The following CDK6 variants were observed in gnomAD, a reference collection of about 807,000 sequenced individuals.
The protein encoded by CDK6 is cyclin-dependent kinase 6.
Under a neutral mutation model 37.1 loss-of-function variants are expected in CDK6, and 6 were observed. That is an observed-to-expected ratio of 0.16 (90% CI 0.09 to 0.32). The LOEUF (loss-of-function observed/expected upper bound fraction) is 0.32. CDK6 is among the 10% of genes least tolerant of loss of function. CDK6 has a pLI of 1.00. For synonymous variants in CDK6, 160 were observed against 161.3 expected, an observed-to-expected ratio of 0.99 and a Z score of 0.06; for missense variants, 224 against 418.9, an observed-to-expected ratio of 0.53 and a Z score of 4.06.
intron 2 of CDK6, among the ~76,000 whole-genome samples, chr7:92,822,418 A>C (rs888493789): frequency 2.6e-5 from 4 of 152,132 alleles, no homozygotes; most frequent in Non-Finnish European, 5.9e-5. Flanking sequence ...ATACTGAGTG[A>C]ATAGAAAAAT....
chr7:92,653,027 C>T (rs1796611305), intron 5 of CDK6, among the ~76,000 whole-genome samples: 1 of 152,226 alleles, frequency 6.6e-6, no homozygotes, highest in African/African-American at 2.4e-5. Flanking sequence ...CCCTATTCTC[C>T]TCTGGCTTTG....
At chr7:92,672,711 C>T (rs1051593560) in intron 4 of CDK6, among the ~76,000 whole-genome samples, 5 of 152,076 alleles carry the variant, frequency 3.3e-5, no homozygotes, top group East Asian at 1.9e-4. Context: ...AAATCTATTA[C>T]GTCAGAATTT....
At chr7:92,813,640 C>CAA (rs1018471649) in intron 2 of CDK6, among the ~76,000 whole-genome samples, 1 of 152,134 alleles carries the variant, frequency 6.6e-6, no homozygotes, top group Non-Finnish European at 1.5e-5. Context: ...GATGGAGAAA[C>CAA]AAAAGCATTT....
chr7:92,822,954 C>T (rs370843621), intron 2 of CDK6, among the ~76,000 whole-genome samples: 75 of 152,060 alleles, frequency 4.9e-4, no homozygotes, highest in African/African-American at 1.6e-3. Context: ...TCTCTCATTG[C>T]TACCTTAACT....
chr7:92,658,233 C>A (rs1473883394), intron 5 of CDK6, among the ~76,000 whole-genome samples: 1 of 152,060 alleles, frequency 6.6e-6, no homozygotes, highest in Non-Finnish European at 1.5e-5. Flanking sequence ...GTCATTTGAC[C>A]CTGTAATTTC....
chr7:92,725,001 T>C (rs1021357046), intron 4 of CDK6: 5 of 982,546 alleles, frequency 5.1e-6, no homozygotes, highest in Admixed American at 1.2e-4. Context: ...CTATTATGGT[T>C]TTGCAGCTGA....
At chr7:92,640,581 G>A (rs1245322121) in intron 5 of CDK6, among the ~76,000 whole-genome samples, 4 of 152,148 alleles carry the variant, frequency 2.6e-5, no homozygotes, top group Admixed American at 2.6e-4. Flanking sequence ...CTAACCTACA[G>A]ATACAGGGAA....
At chr7:92,737,068 C>G (rs778535365) in intron 3 of CDK6, among the ~76,000 whole-genome samples, 2 of 152,172 alleles carry the variant, frequency 1.3e-5, no homozygotes, top group Non-Finnish European at 2.9e-5. Flanking sequence ...GGGGACAACA[C>G]TTTCTTGTAG....
chr7:92,691,071 T>A (rs1797589574), intron 4 of CDK6, among the ~76,000 whole-genome samples: 3 of 152,242 alleles, frequency 2.0e-5, no homozygotes, highest in Admixed American at 6.5e-5. Context: ...GAACAAATTC[T>A]AATTACTTAT....
chr7:92,667,393 T>C lies in CDK6; in HGVS notation c.647+4033A>G, dbSNP rs957710985. Among the ~76,000 whole-genome samples the C allele has an allele frequency of 9.9e-5, 15 of 152,162 alleles. No individual in the cohort carries two copies. The East Asian group carries it at 2.9e-3, about 29-fold the overall frequency. ...TTTATTTTTTGCAGAGATGGGGGTCTCACTATGTTGCCCTGGTTGGTCTTG... is the reference window on the plus strand; with the variant it reads ...TTTATTTTTTGCAGAGATGGGGGTCCCACTATGTTGCCCTGGTTGGTCTTG... On this transcript the variant is annotated intron_variant, in intron 5 of 7. Transcript: ENST00000424848.
chr7:92,774,785 G>A lies in CDK6; in HGVS notation c.280C>T (p.Leu94=), dbSNP rs2115785564. The change falls in exon 3 of 8, where the codon CTA becomes TTA. Residue 94 remains leucine (L), a synonymous_variant. Coordinates refer to ENST00000424848, the MANE Select transcript of CDK6 (RefSeq NM_001145306.2). ...TCGACATGTTCAAACACTAAAGTTA[G>A]TTTGGTTTCTCTGTCTGTTCGTGAC... ...TVSRTDRETK[L]TLVFEHVDQD... 1.9e-6 allele frequency: 3 copies of A among 1,612,926 alleles called. No individual in the cohort carries two copies. The highest frequency in any genetic ancestry group is 1.3e-5 in the African/African-American group (1 of 74,978).
At chr7:92,752,127 T>C (rs538259702) in intron 3 of CDK6, among the ~76,000 whole-genome samples, 3 of 152,280 alleles carry the variant, frequency 2.0e-5, no homozygotes, top group South Asian at 2.1e-4. Context: ...GCCAGCTGCC[T>C]CCATCTGTAA....
At chr7:92,616,157 T>C (rs951143186) in intron 7 of CDK6, among the ~76,000 whole-genome samples, 2 of 152,114 alleles carry the variant, frequency 1.3e-5, no homozygotes, top group African/African-American at 4.8e-5. Context: ...GTGAACTGGG[T>C]ATATGAAATG....
intron 2 of CDK6, among the ~76,000 whole-genome samples, chr7:92,796,090 GAA>G (rs756349460): frequency 2.9e-5 from 2 of 69,380 alleles, no homozygotes; most frequent in Non-Finnish European, 5.3e-5. Flanking sequence ...TTAACTTGGA[GAA>G]AAAAAAAAAA....
chr7:92,717,792 T>C (rs1332289383), intron 4 of CDK6, among the ~76,000 whole-genome samples: 1 of 152,186 alleles, frequency 6.6e-6, no homozygotes, highest in Non-Finnish European at 1.5e-5. Flanking sequence ...ACTTCGCAAA[T>C]CCACTTGGTG....
chr7:92,630,108 G>A (rs891512643), intron 5 of CDK6, among the ~76,000 whole-genome samples: 3 of 151,894 alleles, frequency 2.0e-5, no homozygotes, highest in Non-Finnish European at 4.4e-5. Flanking sequence ...TCAGTAACAC[G>A]TCCTTCTTCA....
intron 2 of CDK6, among the ~76,000 whole-genome samples, chr7:92,821,312 A>G (rs1038807426): frequency 2.0e-5 from 3 of 152,016 alleles, no homozygotes; most frequent in South Asian, 4.1e-4. Flanking sequence ...TAATCAAACT[A>G]CCAGTTTTTG....
At chr7:92,781,555 C>T (rs1368710573) in intron 2 of CDK6, among the ~76,000 whole-genome samples, 1 of 152,190 alleles carries the variant, frequency 6.6e-6, no homozygotes, top group Non-Finnish European at 1.5e-5. Context: ...TCCCAAACAA[C>T]ATGCTTTGTA....
At chr7:92,809,631 A>G (rs764445952) in intron 2 of CDK6, among the ~76,000 whole-genome samples, 4 of 152,230 alleles carry the variant, frequency 2.6e-5, no homozygotes, top group Admixed American at 6.5e-5. Flanking sequence ...AGGTAAGGGT[A>G]TATTTATTTA....
Sources: gnomAD v4.1 joint callset for allele counts (sites outside exome capture counted in the v4.1 genomes callset) on GRCh38, gnomAD v4.1.1 for gene constraint, MANE v1.5 for transcripts, NCBI Gene and HGNC (gene_info 2026-07-23, HGNC 2026-07-21) for gene names.